ACAD9: variants seen among roughly 807,000 people sequenced by gnomAD.
ACAD9 encodes the protein acyl-CoA dehydrogenase family member 9, also known as complex I assembly factor ACAD9, mitochondrial.
A neutral mutation model predicts 70.2 loss-of-function variants in ACAD9; 53 were observed. The observed-to-expected ratio is 0.75, with a 90% CI of 0.61 to 0.95. ACAD9 has a LOEUF of 0.95. Among genes scored for constraint, ACAD9 ranks in the 40% least tolerant of loss-of-function variants. The pLI, the probability that ACAD9 is intolerant of heterozygous loss-of-function variation, is 0.00. For synonymous variants in ACAD9, 313 were observed against 312.1 expected, an observed-to-expected ratio of 1.00 and a Z score of -0.03; for missense variants, 777 against 802.8, an observed-to-expected ratio of 0.97 and a Z score of 0.39.
intron 2 of ACAD9, among the ~76,000 whole-genome samples, chr3:128,890,200 T>G (rs1397592466): frequency 6.6e-6 from 1 of 151,982 alleles, no homozygotes; most frequent in Admixed American, 6.6e-5. Flanking sequence ...CGATTCTGCC[T>G]CAGCCTCCCG....
chr3:128,910,607 G>T, intron 16 of ACAD9, 134 bp from the exon 17 acceptor site: 1 of 972,782 alleles, frequency 1.0e-6, no homozygotes, highest in South Asian at 1.3e-5. Context: ...TAGAACCCAA[G>T]ACGGGGTGAC....
rs1434918691 is a variant in ACAD9, at chr3:128,908,374, GGT to G, written c.1358+114_1358+115del. ...CCTTGACCTGGAGTGGGGGCATGGG[GGT>G]GTGGCGCAGCCTTGTGGAGGGGACC... On this transcript the variant is annotated intron_variant, in intron 13 of 17. Transcript: ENST00000308982. 3 of 1,327,230 alleles carry G rather than the reference GGT, an allele frequency of 2.3e-6. No individual in the cohort carries two copies. In the African/African-American group the frequency reaches 4.3e-5, roughly 19 times the overall value. The allele number at this position is 1,327,230 out of a possible 1,614,324, so 82.2% of individuals were successfully genotyped here. A position where few individuals can be genotyped will look rare whatever the true frequency, so the allele number is the denominator to read the frequency against.
chr3:128,910,203 C>T lies in ACAD9; in HGVS notation c.1692+54C>T. On this transcript the variant is annotated intron_variant, in intron 16 of 17. Coordinates refer to ENST00000308982, the MANE Select transcript of ACAD9 (RefSeq NM_014049.5). ...CTGGCTGCTGCCATCTGTCCTGCTG[C>T]ACTTTAATGAAGTTGATTGTTGAGG... 3.1e-6 allele frequency: 5 copies of T among 1,609,030 alleles called. No homozygotes were observed. In the South Asian group the frequency reaches 4.4e-5, roughly 14 times the overall value.
At chr3:128,898,515 C>G (rs188899104) in intron 6 of ACAD9, 1 of 408,472 alleles carries the variant, frequency 2.4e-6, no homozygotes, top group East Asian at 7.6e-5. Context: ...AGGTGATTCT[C>G]CTACCTCAAC....
In ACAD9 at chr3:128,909,019, C is replaced by T. The variant is rs139145143; in HGVS notation, c.1405C>T (p.Arg469Trp). ...GAGCACAGTCATGGATACCGTTGGCCGGAGGCTTCGGGACTCCCTGGGCCG... is the reference window on the plus strand; with the variant it reads ...GAGCACAGTCATGGATACCGTTGGCTGGAGGCTTCGGGACTCCCTGGGCCG... ...KVSTVMDTVG[R>W]RLRDSLGRTV... Residue 469 changes from arginine to tryptophan, a missense_variant, in exon 14 of 18, where the codon CGG becomes TGG. Coordinates refer to ENST00000308982, the MANE Select transcript of ACAD9 (RefSeq NM_014049.5). 1,172 of 1,614,176 alleles carry T rather than the reference C, an allele frequency of 7.3e-4. 2 individuals are homozygous for T. Among genetic ancestry groups the T allele is most frequent in the Non-Finnish European group, 9.6e-4 (1,134 of 1,180,038 alleles).
intron 16 of ACAD9, chr3:128,910,452 A>G (rs1384401268): frequency 3.0e-6 from 3 of 998,188 alleles, no homozygotes; most frequent in Non-Finnish European, 4.3e-6. Flanking sequence ...GTCTCTGAGG[A>G]CCCACTGTAT....
intron 2 of ACAD9, among the ~76,000 whole-genome samples, chr3:128,891,814 T>G (rs1935429470): frequency 6.6e-6 from 1 of 152,338 alleles, no homozygotes; most frequent in Middle Eastern, 3.4e-3. Flanking sequence ...TTTCAGTGGT[T>G]TTTAGGAAAA....
At chr3:128,908,122 C>T (rs1251544682) in intron 12 of ACAD9, 63 bp from the exon 13 acceptor site, 20 of 1,502,542 alleles carry the variant, frequency 1.3e-5, no homozygotes, top group African/African-American at 9.7e-5. Flanking sequence ...ACCCAGCACA[C>T]GTGGCACTAC....
chr3:128,904,571 C>T, intron 11 of ACAD9, 66 bp downstream of exon 11: 2 of 1,573,988 alleles, frequency 1.3e-6, no homozygotes, highest in South Asian at 1.1e-5. Flanking sequence ...TCACTGTGAC[C>T]TTTCAAGCCC....
In ACAD9 at chr3:128,879,933, A is replaced by G. The variant is rs750707043; in HGVS notation, c.150+92A>G. On this transcript the variant is annotated intron_variant, in intron 1 of 17. Transcript: ENST00000308982. The stretch of plus-strand genomic sequence containing the variant: ...GTGTTGAACTTTGTGAGATTCCCCA[A>G]ACCTGCCAGAGAGATACACCCTGCG... 21 of 1,599,156 alleles carry G rather than the reference A, an allele frequency of 1.3e-5. 1 individual carries two copies. Among genetic ancestry groups the G allele is most frequent in the Non-Finnish European group, 1.8e-5 (21 of 1,173,214 alleles).
At chr3:128,901,867 C>CCTTA (rs1935749676) in intron 8 of ACAD9, among the ~76,000 whole-genome samples, 1 of 152,130 alleles carries the variant, frequency 6.6e-6, no homozygotes, top group Non-Finnish European at 1.5e-5. Context: ...CCAGTATGAC[C>CCTTA]CTTACCCCAT....
chr3:128,904,246 A>G (rs2107657916), intron 10 of ACAD9, 114 bp downstream of exon 10: 3 of 1,578,980 alleles, frequency 1.9e-6, no homozygotes, highest in Non-Finnish European at 2.6e-6. Flanking sequence ...AAGACTAGTT[A>G]AGGCTTTATT....
At chr3:128,909,529 A>T (rs1202693317) in intron 15 of ACAD9, 108 bp downstream of exon 15, 1 of 1,205,024 alleles carries the variant, frequency 8.3e-7, no homozygotes, top group Admixed American at 1.8e-5. Context: ...TAGAACAGAA[A>T]TGTTGATCAC....
rs1467237694 is a variant in ACAD9, at chr3:128,913,038, A to G, written c.*431A>G. 2 of 456,680 alleles carry G rather than the reference A, an allele frequency of 4.4e-6. No individual in the cohort carries two copies. Among genetic ancestry groups the G allele is most frequent in the African/African-American group, 2.0e-5 (1 of 50,220 alleles). The allele number at this position is 456,680 out of a possible 1,614,324, so 28.3% of individuals were successfully genotyped here. On this transcript the variant is annotated 3_prime_UTR_variant, in exon 18 of 18. Transcript: ENST00000308982. ...TCTGTCTGGGTCATTCATTTAAACTAGAAGCAGAGGCACTTAAAACATGTA... is the reference window on the plus strand; with the variant it reads ...TCTGTCTGGGTCATTCATTTAAACTGGAAGCAGAGGCACTTAAAACATGTA...
chr3:128,894,533 CTTTTT>C (rs34217688), intron 3 of ACAD9, among the ~76,000 whole-genome samples: 1 of 133,258 alleles, frequency 7.5e-6, no homozygotes, highest in Admixed American at 7.6e-5. Context: ...AGATTGCGAG[CTTTTT>C]TTTTTTTTTT....
intron 7 of ACAD9, 130 bp from the exon 8 acceptor site, chr3:128,901,145 TG>T: frequency 1.2e-6 from 1 of 850,812 alleles, no homozygotes; most frequent in Admixed American, 1.9e-5. Flanking sequence ...ATAGGAACTT[TG>T]TCTTTCTATA....
At chr3:128,907,978 G>A (rs981334415) in intron 12 of ACAD9, among the ~76,000 whole-genome samples, 4 of 152,194 alleles carry the variant, frequency 2.6e-5, no homozygotes, top group Non-Finnish European at 4.4e-5. Flanking sequence ...GGGTCCCAGT[G>A]GGAGCTCATG....
intron 9 of ACAD9, 70 bp from the exon 10 acceptor site, chr3:128,903,992 T>G (rs755805335): frequency 6.6e-7 from 1 of 1,521,402 alleles, no homozygotes; most frequent in African/African-American, 1.4e-5. Flanking sequence ...GTAAGGATGA[T>G]GGCCATAGGA....
At chr3:128,906,370 G>C (rs1314185481) in intron 12 of ACAD9, 121 bp downstream of exon 12, 1 of 1,465,682 alleles carries the variant, frequency 6.8e-7, no homozygotes, top group African/African-American at 1.4e-5. Flanking sequence ...GCTCTCAGGG[G>C]CTCTCCTAGC....
Sources: gnomAD v4.1 joint callset for allele counts (sites outside exome capture counted in the v4.1 genomes callset) on GRCh38, gnomAD v4.1.1 for gene constraint, MANE v1.5 for transcripts, NCBI Gene and HGNC (gene_info 2026-07-23, HGNC 2026-07-21) for gene names.